FAM228B: variants seen among roughly 807,000 people sequenced by gnomAD.
FAM228B encodes the protein family with sequence similarity 228 member B.
In FAM228B, 38 loss-of-function variants were observed where a neutral mutation model predicts 42.6. The ratio of observed to expected loss-of-function variants is 0.89; its 90% CI spans 0.69 to 1.17. FAM228B has a LOEUF of 1.17. FAM228B is among the 50% of genes most tolerant of loss of function. The pLI is 0.00. For missense variants in FAM228B, 344 were observed against 367.3 expected, an observed-to-expected ratio of 0.94 and a Z score of 0.52; for synonymous variants, 109 against 122.3, an observed-to-expected ratio of 0.89 and a Z score of 0.72.
At chr2:24,103,678 G>C (rs552593651) in intron 3 of FAM228B, among the ~76,000 whole-genome samples, 1 of 152,172 alleles carries the variant, frequency 6.6e-6, no homozygotes, top group South Asian at 2.1e-4. Flanking sequence ...TTTAGGAAAG[G>C]CTGGCCGGCC....
chr2:24,160,766 A>G (rs987839108), intron 7 of FAM228B, among the ~76,000 whole-genome samples: 3 of 152,140 alleles, frequency 2.0e-5, no homozygotes, highest in Admixed American at 6.5e-5. Context: ...CACCCTTCCA[A>G]TCAACCCTTG....
chr2:24,140,530 A>G (rs1666718223), intron 5 of FAM228B, among the ~76,000 whole-genome samples: 1 of 152,144 alleles, frequency 6.6e-6, no homozygotes, highest in South Asian at 2.1e-4. Context: ...GAATGACTAA[A>G]CCAATTAACA....
upstream of FAM228B, chr2:24,119,445 A>G (rs1666026822): frequency 1.6e-6 from 1 of 644,180 alleles, no homozygotes; most frequent in African/African-American, 1.8e-5. Flanking sequence ...GTGGCTATGT[A>G]AATAACCTCA....
intron 2 of FAM228B, among the ~76,000 whole-genome samples, chr2:24,094,530 G>A (rs951417904): frequency 6.6e-6 from 1 of 152,022 alleles, no homozygotes; most frequent in African/African-American, 2.4e-5. Context: ...TGTTGCTGAG[G>A]CCGGAGTAAA....
At chr2:24,106,129 T>C (rs533393718) in intron 3 of FAM228B, among the ~76,000 whole-genome samples, 1 of 152,076 alleles carries the variant, frequency 6.6e-6, no homozygotes, top group South Asian at 2.1e-4. Flanking sequence ...CTGAGAGATA[T>C]TACTCAAGAC....
At chr2:24,136,324 T>G (rs1229014342) in intron 3 of FAM228B, among the ~76,000 whole-genome samples, 5 of 152,092 alleles carry the variant, frequency 3.3e-5, no homozygotes, top group Non-Finnish European at 7.4e-5. Flanking sequence ...CCTCCCGGGT[T>G]CAAGCAATTC....
chr2:24,128,303 G>A (rs914614079), intron 2 of FAM228B, among the ~76,000 whole-genome samples: 1 of 152,050 alleles, frequency 6.6e-6, no homozygotes. Context: ...AGCCCAGGCT[G>A]GTCTTGAACT....
At chr2:24,081,925 G>T (rs1665023723) in intron 2 of FAM228B, among the ~76,000 whole-genome samples, 1 of 152,060 alleles carries the variant, frequency 6.6e-6, no homozygotes, top group Non-Finnish European at 1.5e-5. Flanking sequence ...TCGATCTCCT[G>T]ACCTCATGAT....
At position 24,084,905 on chromosome 2, in the gene FAM228B, CT is replaced by C; in HGVS notation, c.-210+3951del. 6.5e-6 allele frequency: 1 copy of C among 152,682 alleles called. No individual in the cohort carries two copies. Among genetic ancestry groups the C allele is most frequent in the Non-Finnish European group, 1.5e-5 (1 of 68,288 alleles). 9.5% of individuals were successfully genotyped at this position (152,682 alleles called of 1,614,324 possible). ...GGGGCTAAGCAGAACCACCCTCCCC[CT>C]CTTTCCTTTCCTCCTTCCCCCTTTA... On this transcript the variant is annotated intron_variant, in intron 2 of 10. Transcript: ENST00000613899. This position sits in a 1 kb window ranked among gnomAD's most constrained non-coding sequence, Gnocchi z 8.4.
chr2:24,121,683 G>C (rs1666123590), upstream of FAM228B, among the ~76,000 whole-genome samples: 1 of 152,142 alleles, frequency 6.6e-6, no homozygotes, highest in Admixed American at 6.6e-5. Context: ...TTTGGATCAT[G>C]AATAGACTGA....
At chr2:24,140,892 G>C (rs1192562912) in intron 5 of FAM228B, among the ~76,000 whole-genome samples, 1 of 151,250 alleles carries the variant, frequency 6.6e-6, no homozygotes, top group South Asian at 2.1e-4. Context: ...AACCCGGGAG[G>C]TGGAGGCAGC....
chr2:24,091,984 C>A (rs748400740), intron 2 of FAM228B, among the ~76,000 whole-genome samples: 8 of 151,960 alleles, frequency 5.3e-5, no homozygotes, highest in Non-Finnish European at 1.5e-5. Flanking sequence ...GTAATCCCAG[C>A]ACTTTGGGAG....
chr2:24,137,704 G>T (rs995358562), intron 3 of FAM228B, among the ~76,000 whole-genome samples: 1 of 152,150 alleles, frequency 6.6e-6, no homozygotes, highest in Non-Finnish European at 1.5e-5. Flanking sequence ...CAGGCATGTT[G>T]CCCCAAATAC....
intron 7 of FAM228B, 106 bp downstream of exon 7, chr2:24,147,192 CT>C (rs796377393): frequency 6.5e-4 from 527 of 810,500 alleles, no homozygotes; most frequent in African/African-American, 1.3e-3. Context: ...TATCATTTTT[CT>C]TTTTTTTTGA....
intron 2 of FAM228B, among the ~76,000 whole-genome samples, chr2:24,093,962 A>G (rs1258854387): frequency 1.3e-5 from 2 of 149,956 alleles, no homozygotes; most frequent in African/African-American, 4.9e-5. Flanking sequence ...TTGGGTATAT[A>G]CCCAGTAATG....
At position 24,095,139 on chromosome 2, in the gene FAM228B, A is replaced by T. The variant is rs1665470179; in HGVS notation, c.-209-2A>T. ...AGAAAGACCCAAACTCTTCTTTAAC[A>T]GTTAAAAGTTTAACAACCGGAACAG... On this transcript the variant is annotated splice_acceptor_variant, in intron 2 of 10. Coordinates refer to the FAM228B transcript ENST00000613899. LOFTEE classifies it low-confidence loss of function (5UTR_SPLICE). This position sits in a 1 kb window ranked among gnomAD's most constrained non-coding sequence, Gnocchi z 4.8. The T allele has an allele frequency of 1.3e-5, 2 of 152,246 alleles. No individual in the cohort carries two copies. The highest frequency in any genetic ancestry group is 2.9e-5 in the Non-Finnish European group (2 of 68,074). 9.4% of individuals were successfully genotyped at this position (152,246 alleles called of 1,614,324 possible).
At chr2:24,103,534 C>T (rs540897241) in intron 3 of FAM228B, among the ~76,000 whole-genome samples, 2 of 152,254 alleles carry the variant, frequency 1.3e-5, no homozygotes, top group South Asian at 2.1e-4. Context: ...CGTAGCTGGA[C>T]CCAGTTGGAA....
In FAM228B at chr2:24,124,477, G is replaced by T. The variant is rs756236108; in HGVS notation, c.99+17G>T. 1.3e-6 allele frequency: 2 copies of T among 1,491,698 alleles called. No individual in the cohort carries two copies. Among genetic ancestry groups the T allele is most frequent in the Non-Finnish European group, 1.8e-6 (2 of 1,109,616 alleles). The allele number at this position is 1,491,698 out of a possible 1,614,324, so 92.4% of individuals were successfully genotyped here. A position where few individuals can be genotyped will look rare whatever the true frequency, so the allele number is the denominator to read the frequency against. ...TTTATGGAGGTATATATCAAATAGT[G>T]TGGGATTTGGAGATTTTTTTACTTG... On this transcript the variant is annotated intron_variant, in intron 2 of 10. Coordinates refer to ENST00000615575, the MANE Select transcript of FAM228B (RefSeq NM_001145710.2).
intron 2 of FAM228B, among the ~76,000 whole-genome samples, chr2:24,130,075 G>T (rs550399835): frequency 6.6e-6 from 1 of 152,120 alleles, no homozygotes; most frequent in African/African-American, 2.4e-5. Context: ...TGGTTTTCTG[G>T]TTCCTGTGTT....
Sources: allele counts gnomAD v4.1 joint callset (sites outside exome capture counted in the v4.1 genomes callset), GRCh38; gene constraint gnomAD v4.1.1; non-coding constraint Gnocchi (gnomAD v3.1); transcripts MANE v1.5; gene names NCBI Gene and HGNC (gene_info 2026-07-23, HGNC 2026-07-21).